HPCA: variants seen among roughly 807,000 people sequenced by gnomAD.
HPCA encodes the protein hippocalcin, also known as neuron-specific calcium-binding protein hippocalcin.
A neutral mutation model predicts 18.2 loss-of-function variants in HPCA; 4 were observed. The observed-to-expected ratio is 0.22, with a 90% CI of 0.11 to 0.50. The LOEUF (loss-of-function observed/expected upper bound fraction) is 0.50. Among genes scored for constraint, HPCA ranks in the 20% least tolerant of loss-of-function variants. The pLI, the probability that HPCA is intolerant of heterozygous loss-of-function variation, is 0.97. For synonymous variants in HPCA, 93 were observed against 103.5 expected (o/e 0.90, Z 0.61); for missense variants, 161 against 265.8 (o/e 0.61, Z 2.74).
Position 32,889,038 on chromosome 1 carries a change from A to G in HPCA, c.140A>G (p.Glu47Gly). Residue 47 changes from glutamate to glycine, a missense_variant, in exon 2 of 4, where the codon GAG becomes GGG. Physicochemically the swap from Glu to Gly is moderately conservative, Grantham distance 98. Coordinates refer to ENST00000373467, the MANE Select transcript of HPCA (RefSeq NM_002143.3). The surrounding 1 kb of genome is among the most constrained non-coding windows in gnomAD (Gnocchi z 4.6). The part of the protein sequence containing the change: ...DCPTGILNVD[E>G]FKKIYANFFP... The stretch of plus-strand genomic sequence containing the variant: ...CCCACAGGAATCCTCAATGTGGATG[A>G]GTTCAAGAAGATCTACGCCAACTTC... The G allele has an allele frequency of 6.2e-7, 1 of 1,614,236 alleles. No individual in the cohort carries two copies. Among genetic ancestry groups the G allele is most frequent in the South Asian group, 1.1e-5 (1 of 91,086 alleles).
chr1:32,894,144 G>T lies in HPCA; in HGVS notation c.*282G>T, dbSNP rs1641525572. The T allele has an allele frequency of 4.6e-6, 2 of 432,682 alleles. No individual in the cohort carries two copies. Among genetic ancestry groups the T allele is most frequent in the Non-Finnish European group, 4.1e-6 (1 of 241,140 alleles). The allele number at this position is 432,682 out of a possible 1,614,324, so 26.8% of individuals were successfully genotyped here. Reference sequence around the variant, plus strand: ...TACCCACCCACCAGCCCCAAGGCCCGACCCCTCCCCCAAAGGGGCAGTCCC... The same window carrying T: ...TACCCACCCACCAGCCCCAAGGCCCTACCCCTCCCCCAAAGGGGCAGTCCC... On this transcript the variant is annotated 3_prime_UTR_variant, in exon 4 of 4. Coordinates refer to ENST00000373467, the MANE Select transcript of HPCA (RefSeq NM_002143.3).
chr1:32,893,608 C>G lies in HPCA; in HGVS notation c.463C>G (p.Gln155Glu). The change falls in exon 3 of 4, where the codon CAA becomes GAA. Residue 155 changes from glutamine to glutamate, a missense_variant. Gln to Glu is a conservative substitution (Grantham distance 29). Coordinates refer to ENST00000373467, the MANE Select transcript of HPCA (RefSeq NM_002143.3). This position sits in a 1 kb window ranked among gnomAD's most constrained non-coding sequence, Gnocchi z 7.5. Reference sequence around the variant, plus strand: ...AAAGAGGACTGAGAAAATCTTCCGCCAAATGGACACAAACAACGACGGTGA... The same window carrying G: ...AAAGAGGACTGAGAAAATCTTCCGCGAAATGGACACAAACAACGACGGTGA... ...PEKRTEKIFR[Q>E]MDTNNDGKLS... 1.4e-6 allele frequency: 2 copies of G among 1,414,684 alleles called. No homozygotes were observed. Among genetic ancestry groups the G allele is most frequent in the Non-Finnish European group, 2.0e-6 (2 of 1,005,728 alleles). 87.6% of individuals were successfully genotyped at this position (1,414,684 alleles called of 1,614,324 possible).
In HPCA at chr1:32,893,736, C is replaced by G. The variant is rs545765453; in HGVS notation, c.485-29C>G. 2.6e-6 allele frequency: 4 copies of G among 1,549,900 alleles called. No individual in the cohort carries two copies. Among genetic ancestry groups the G allele is most frequent in the South Asian group, 1.2e-5 (1 of 85,620 alleles). On this transcript the variant is annotated intron_variant, in intron 3 of 3. Transcript: ENST00000373467. The surrounding 1 kb of genome is among the most constrained non-coding windows in gnomAD (Gnocchi z 7.5). Reference sequence around the variant, plus strand: ...TCCCCTCGCTAGGCTGCCGCCTCCTCCCCCATCACCGCTCCCCTCGCCCTG... The same window carrying G: ...TCCCCTCGCTAGGCTGCCGCCTCCTGCCCCATCACCGCTCCCCTCGCCCTG...
chr1:32,893,978 G>C lies in HPCA; in HGVS notation c.*116G>C. On this transcript the variant is annotated 3_prime_UTR_variant, in exon 4 of 4. Transcript: ENST00000373467. The surrounding 1 kb of genome is among the most constrained non-coding windows in gnomAD (Gnocchi z 7.5). ...AGATTGGGGAAGCCCTTCTCCCCGGGTCTGCCCTGTGGGGGGCTTCCGGAA... is the reference window on the plus strand; with the variant it reads ...AGATTGGGGAAGCCCTTCTCCCCGGCTCTGCCCTGTGGGGGGCTTCCGGAA... 1 of 813,378 alleles carries C rather than the reference G, an allele frequency of 1.2e-6. No individual in the cohort carries two copies. Among genetic ancestry groups the C allele is most frequent in the Non-Finnish European group, 2.0e-6 (1 of 511,610 alleles). 50.4% of individuals were successfully genotyped at this position (813,378 alleles called of 1,614,324 possible).
chr1:32,888,048 A>G (rs1034389032), intron 1 of HPCA, among the ~76,000 whole-genome samples: 1 of 152,152 alleles, frequency 6.6e-6, no homozygotes, highest in Non-Finnish European at 1.5e-5. Flanking sequence ...ACCTGGGTAT[A>G]TGTAAGTCAT....
chr1:32,889,158 T>C lies in HPCA; in HGVS notation c.260T>C (p.Ile87Thr), dbSNP rs758265719. 6.2e-7 allele frequency: 1 copy of C among 1,614,264 alleles called. No homozygotes were observed. The highest frequency in any genetic ancestry group is 8.5e-7 in the Non-Finnish European group (1 of 1,180,042). The change falls in exon 2 of 4, where the codon ATT (isoleucine) becomes ACT (threonine). Residue 87 changes from isoleucine to threonine, a missense_variant. Coordinates refer to ENST00000373467, the MANE Select transcript of HPCA (RefSeq NM_002143.3). This position sits in a 1 kb window ranked among gnomAD's most constrained non-coding sequence, Gnocchi z 4.6. ...ACCATAGACTTTCGGGAGTTCATCA[T>C]TGCGCTGAGCGTGACCTCGCGCGGC... ...DGTIDFREFI[I>T]ALSVTSRGRL...
intron 2 of HPCA, among the ~76,000 whole-genome samples, chr1:32,892,055 G>A (rs1219224509): frequency 1.3e-5 from 2 of 152,312 alleles, no homozygotes; most frequent in African/African-American, 2.4e-5. Flanking sequence ...CACAGAGCGG[G>A]CCCCTGATAA....
chr1:32,888,955 C>A lies in HPCA; in HGVS notation c.57C>A (p.Asn19Lys). ...RPEMLQDLRE[N>K]TEFSELELQE... ...AGATGTTGCAGGACCTGCGAGAGAA[C>A]ACAGAGTTCTCAGAGCTGGAGCTGC... Residue 19 changes from asparagine (N) to lysine (K), a missense_variant, in exon 2 of 4, where the codon AAC becomes AAA. Transcript: ENST00000373467. The A allele has an allele frequency of 6.2e-7, 1 of 1,614,088 alleles. No individual in the cohort carries two copies. Among genetic ancestry groups the A allele is most frequent in the Non-Finnish European group, 8.5e-7 (1 of 1,179,996 alleles).
intron 1 of HPCA, among the ~76,000 whole-genome samples, chr1:32,887,460 T>C (rs1005571157): frequency 6.6e-6 from 1 of 152,166 alleles, no homozygotes; most frequent in African/African-American, 2.4e-5. Context: ...CACACACGCC[T>C]ACATCCTTGT....
rs1557539882 is a variant in HPCA at position 32,889,642 on chromosome 1, A to G, written c.378+366A>G. On this transcript the variant is annotated intron_variant, in intron 2 of 3. Coordinates refer to ENST00000373467, the MANE Select transcript of HPCA (RefSeq NM_002143.3). The surrounding 1 kb of genome is among the most constrained non-coding windows in gnomAD (Gnocchi z 4.6). ...ATAAGCACATTCTCTTACATAACCC[A>G]TAATATGATTACCAAAGCCAGGATA... Among the ~76,000 whole-genome samples the G allele has an allele frequency of 2.0e-5, 3 of 152,340 alleles. No homozygotes were observed. Among genetic ancestry groups the G allele is most frequent in the Non-Finnish European group, 2.9e-5 (2 of 68,036 alleles).
Position 32,889,258 on chromosome 1 carries a change from G to A in HPCA, c.360G>A (p.Glu120=). 5 of 1,612,498 alleles carry A rather than the reference G, an allele frequency of 3.1e-6. No individual in the cohort carries two copies. Among genetic ancestry groups the A allele is most frequent in the Non-Finnish European group, 4.2e-6 (5 of 1,178,636 alleles). Residue 120 remains glutamate (E), a synonymous_variant, in exon 2 of 4, where the codon GAG becomes GAA. Transcript: ENST00000373467. This position sits in a 1 kb window ranked among gnomAD's most constrained non-coding sequence, Gnocchi z 4.6. The part of the protein sequence containing the change: ...LDGNGYISRE[E]MLEIVQAIYK... ...GCAACGGCTACATCAGCCGGGAGGA[G>A]ATGCTGGAGATCGTGCAGGTGGGCC...
intron 1 of HPCA, 27 bp from the exon 2 acceptor site, chr1:32,888,851 C>T (rs1355212622): frequency 2.5e-6 from 4 of 1,568,968 alleles, no homozygotes; most frequent in Non-Finnish European, 3.5e-6. Flanking sequence ...TCACTCCTCT[C>T]TGCCCTTGAC....
rs144836998 is a variant in HPCA at position 32,890,551 on chromosome 1, A to G, written c.378+1275A>G. Among the ~76,000 whole-genome samples, 573 of 152,346 alleles carry G rather than the reference A, an allele frequency of 3.8e-3. 2 individuals are homozygous for G. Among genetic ancestry groups the G allele is most frequent in the South Asian group, 7.3e-3 (35 of 4,824 alleles). On this transcript the variant is annotated intron_variant, in intron 2 of 3. Coordinates refer to ENST00000373467, the MANE Select transcript of HPCA (RefSeq NM_002143.3). ...AGGACTTGAGCGGAAGGCTTGGCATATAATTGGTACTTGGTAGACATTAGC... is the reference window on the plus strand; with the variant it reads ...AGGACTTGAGCGGAAGGCTTGGCATGTAATTGGTACTTGGTAGACATTAGC...
Position 32,889,095 on chromosome 1 carries a change from A to G in HPCA, c.197A>G (p.Glu66Gly). 2 of 1,614,252 alleles carry G rather than the reference A, an allele frequency of 1.2e-6. No individual in the cohort carries two copies. The highest frequency in any genetic ancestry group is 1.7e-6 in the Non-Finnish European group (2 of 1,180,048). ...TATGGTGACGCCTCCAAGTTTGCCG[A>G]GCACGTCTTCCGCACCTTTGACACC... ...FPYGDASKFAEHVFRTFDTNS... is the reference protein window; with the variant it reads ...FPYGDASKFAGHVFRTFDTNS... The change falls in exon 2 of 4, where the codon GAG (glutamate) becomes GGG (glycine). Residue 66 changes from glutamate (E) to glycine (G), a missense_variant. By Grantham distance (98) the Glu-to-Gly change is moderately conservative (BLOSUM62 -2). Coordinates refer to ENST00000373467, the MANE Select transcript of HPCA (RefSeq NM_002143.3). This position sits in a 1 kb window ranked among gnomAD's most constrained non-coding sequence, Gnocchi z 4.6.
rs147795274 is a variant in HPCA at position 32,890,139 on chromosome 1, C to T, written c.378+863C>T. Among the ~76,000 whole-genome samples, 1,170 of 152,346 alleles carry T rather than the reference C, an allele frequency of 7.7e-3. 5 individuals are homozygous for T. Among genetic ancestry groups the T allele is most frequent in the Middle Eastern group, 0.024 (7 of 294 alleles). Reference sequence around the variant, plus strand: ...AGAGGTGAGGTGATGTGCCCAAAATCACACAGCACATAAGTGGAGAAAAGC... The same window carrying T: ...AGAGGTGAGGTGATGTGCCCAAAATTACACAGCACATAAGTGGAGAAAAGC... On this transcript the variant is annotated intron_variant, in intron 2 of 3. Coordinates refer to ENST00000373467, the MANE Select transcript of HPCA (RefSeq NM_002143.3).
chr1:32,893,660 G>T lies in HPCA; in HGVS notation c.484+31G>T, dbSNP rs1218520244. 6.4e-7 allele frequency: 1 copy of T among 1,561,106 alleles called. No homozygotes were observed. The highest frequency in any genetic ancestry group is 8.8e-7 in the Non-Finnish European group (1 of 1,134,300). On this transcript the variant is annotated intron_variant, in intron 3 of 3. Coordinates refer to ENST00000373467, the MANE Select transcript of HPCA (RefSeq NM_002143.3). The surrounding 1 kb of genome is among the most constrained non-coding windows in gnomAD (Gnocchi z 7.5). ...GGGCAGGGGCGGGACGGGGTGGACG[G>T]GGCGGGCGCCTTTCCCTCCCTCCCT...
In HPCA at chr1:32,894,594, G is replaced by T; in HGVS notation, c.*732G>T. The T allele has an allele frequency of 1.5e-5, 8 of 531,766 alleles. No homozygotes were observed. Among genetic ancestry groups the T allele is most frequent in the Admixed American group, 3.3e-5 (1 of 30,250 alleles). 32.9% of individuals were successfully genotyped at this position (531,766 alleles called of 1,614,324 possible). A position where few individuals can be genotyped will look rare whatever the true frequency, so the allele number is the denominator to read the frequency against. ...CCGCCCCCCCTGCATGCAGCCAAAT[G>T]GAGCATCTCTGTTCTTTTTAATAAT... On this transcript the variant is annotated 3_prime_UTR_variant, in exon 4 of 4. Coordinates refer to ENST00000373467, the MANE Select transcript of HPCA (RefSeq NM_002143.3).
At chr1:32,892,972 A>G (rs914409573) in intron 2 of HPCA, among the ~76,000 whole-genome samples, 23 of 151,880 alleles carry the variant, frequency 1.5e-4, no homozygotes, top group Middle Eastern at 3.2e-3. Context: ...ATTTGCATTC[A>G]TTTGCATACT....
rs1243825510 is a variant in HPCA at position 32,893,855 on chromosome 1, A to C, written c.575A>C (p.Gln192Pro). ...CAGTGCGACCCCAGCAGCGCCTCCC[A>C]GTTCTGAGAGGAGCCAGGTTCCCCT... ...LLQCDPSSAS[Q>P]F Residue 192 changes from glutamine to proline, a missense_variant, in exon 4 of 4, where the codon CAG (glutamine) becomes CCG (proline). Gln to Pro is a moderately conservative substitution (Grantham distance 76, BLOSUM62 -1). Transcript: ENST00000373467. This position sits in a 1 kb window ranked among gnomAD's most constrained non-coding sequence, Gnocchi z 7.5. The C allele has an allele frequency of 6.4e-7, 1 of 1,566,038 alleles. No homozygotes were observed. The highest frequency in any genetic ancestry group is 2.4e-5 in the East Asian group (1 of 41,684).
Sources: gnomAD v4.1 joint callset for allele counts (sites outside exome capture counted in the v4.1 genomes callset) on GRCh38, gnomAD v4.1.1 for gene constraint, Gnocchi (gnomAD v3.1) non-coding constraint, MANE v1.5 for transcripts, NCBI Gene and HGNC (gene_info 2026-07-23, HGNC 2026-07-21) for gene names.